The following TMEM209 variants were observed in gnomAD, a reference collection of about 807,000 sequenced individuals.
TMEM209 encodes testicular tissue protein Li 202.
A neutral mutation model predicts 76.2 loss-of-function variants in TMEM209; 65 were observed. The observed-to-expected ratio is 0.85, with a 90% CI of 0.70 to 1.05. The LOEUF (loss-of-function observed/expected upper bound fraction) is 1.05, where lower values mean the gene tolerates loss of function less well. TMEM209 is among the 50% of genes least tolerant of loss of function. TMEM209 has a pLI of 0.00. For synonymous variants in TMEM209, 239 were observed against 237.6 expected (o/e 1.01, Z -0.06); for missense variants, 623 against 685.5 (o/e 0.91, Z 1.02).
intron 1 of TMEM209, chr7:130,204,922 T>C: frequency 9.5e-7 from 1 of 1,050,928 alleles, no homozygotes; most frequent in Non-Finnish European, 1.2e-6. Flanking sequence ...CTCCCTTTTG[T>C]GTGTGGATAA....
intron 9 of TMEM209, among the ~76,000 whole-genome samples, chr7:130,180,161 C>T (rs754283967): frequency 9.9e-5 from 15 of 152,046 alleles, no homozygotes; most frequent in East Asian, 3.9e-4. Context: ...TTATATGGCA[C>T]CCTAAAATTT....
rs761990826 is a variant in TMEM209 at position 130,173,805 on chromosome 7, C to A, written c.1459+20G>T. ...TTTTGTGTGAAAATCTCAACACATT[C>A]TTTTAGGAGAGGTTTATACCTGGTT... On this transcript the variant is annotated intron_variant, in intron 12 of 14. Coordinates refer to ENST00000397622, the MANE Select transcript of TMEM209 (RefSeq NM_032842.4). 177 of 1,610,468 alleles carry A rather than the reference C, an allele frequency of 1.1e-4. No homozygotes were observed. Among genetic ancestry groups the A allele is most frequent in the Non-Finnish European group, 5.9e-6 (7 of 1,176,890 alleles).
chr7:130,181,807 A>G, intron 8 of TMEM209, 88 bp from the exon 9 acceptor site: 3 of 1,056,230 alleles, frequency 2.8e-6, no homozygotes, highest in Non-Finnish European at 1.4e-6. Flanking sequence ...AACTCTAAGA[A>G]TTTTTTTTAC....
intron 14 of TMEM209, among the ~76,000 whole-genome samples, chr7:130,167,361 C>A (rs904057058): frequency 1.3e-5 from 2 of 152,056 alleles, no homozygotes; most frequent in Admixed American, 1.3e-4. Context: ...TCTTCATACC[C>A]TCACTGACAC....
chr7:130,192,911 G>A, intron 5 of TMEM209, 88 bp from the exon 6 acceptor site: 1 of 1,285,750 alleles, frequency 7.8e-7, no homozygotes, highest in Non-Finnish European at 1.1e-6. Flanking sequence ...ACACCTAGTA[G>A]AATGGCGAAA....
rs1314464439 is a variant in TMEM209 at position 130,190,179 on chromosome 7, C to T, written c.775+2443G>A. 2.6e-5 allele frequency among the ~76,000 whole-genome samples: 4 copies of T among 152,078 alleles called. No individual in the cohort carries two copies. The East Asian group carries it at 5.8e-4, about 22-fold the overall frequency. On this transcript the variant is annotated intron_variant, in intron 6 of 14. Transcript: ENST00000397622. ...CAAATAAATGTAAAAGGCAGCTGCA[C>T]AATAATGTAAATGTACTTACCACCA...
intron 13 of TMEM209, among the ~76,000 whole-genome samples, chr7:130,171,788 G>T (rs1562884451): frequency 6.6e-6 from 1 of 152,090 alleles, no homozygotes; most frequent in African/African-American, 2.4e-5. Flanking sequence ...CCAGCACTTT[G>T]GGTGGGCAAG....
chr7:130,204,941 G>A, intron 1 of TMEM209: 2 of 1,073,848 alleles, frequency 1.9e-6, no homozygotes, highest in Non-Finnish European at 2.3e-6. Context: ...AAAGGACAAG[G>A]ATCCAAGTTT....
chr7:130,192,796 AAGG>A lies in TMEM209; in HGVS notation c.598_600del (p.Pro200del), dbSNP rs1345953508. 2.5e-6 allele frequency: 4 copies of A among 1,613,814 alleles called. No individual in the cohort carries two copies. The highest frequency in any genetic ancestry group is 1.6e-4 in the Middle Eastern group (1 of 6,068). On this transcript the variant is annotated inframe_deletion, in exon 6 of 15. Coordinates refer to ENST00000397622, the MANE Select transcript of TMEM209 (RefSeq NM_032842.4). The stretch of plus-strand genomic sequence containing the variant: ...GGTCCAACAGTGGTAGGGTACGGAG[AAGG>A]AGGAGAGGGGCTAAAGCTCGCCAAC...
intron 7 of TMEM209, 128 bp from the exon 8 acceptor site, chr7:130,184,383 ATC>A: frequency 1.6e-6 from 1 of 618,182 alleles, no homozygotes. Flanking sequence ...ATCAATATTC[ATC>A]TAATTAATAT....
chr7:130,204,444 C>G (rs1312144244), intron 1 of TMEM209, among the ~76,000 whole-genome samples: 1 of 152,144 alleles, frequency 6.6e-6, no homozygotes, highest in African/African-American at 2.4e-5. Context: ...CGGGTTCAAG[C>G]GATTCTCCTG....
In TMEM209 at chr7:130,175,536, A is replaced by T; in HGVS notation, c.1320T>A (p.Asp440Glu). The change falls in exon 11 of 15, where the codon GAT becomes GAA. Residue 440 changes from aspartate to glutamate, a missense_variant. Transcript: ENST00000397622. ...RGGDFKGRKWDTDLPTDSAII... is the reference protein window; with the variant it reads ...RGGDFKGRKWETDLPTDSAII... The stretch of plus-strand genomic sequence containing the variant: ...CAGCAGAATCGGTGGGCAGGTCTGT[A>T]TCCCACTTTCGTCCTTTGAAGTCGC... 1 of 1,613,148 alleles carries T rather than the reference A, an allele frequency of 6.2e-7. No homozygotes were observed. The highest frequency in any genetic ancestry group is 1.1e-5 in the South Asian group (1 of 90,716).
intron 5 of TMEM209, among the ~76,000 whole-genome samples, chr7:130,196,380 T>C (rs1797973110): frequency 6.6e-6 from 1 of 152,130 alleles, no homozygotes; most frequent in Admixed American, 6.6e-5. Flanking sequence ...TCTAAGTTAT[T>C]AGTTTGGTTC....
At chr7:130,204,436 G>A (rs892596088) in intron 1 of TMEM209, among the ~76,000 whole-genome samples, 3 of 152,258 alleles carry the variant, frequency 2.0e-5, no homozygotes, top group African/African-American at 2.4e-5. Flanking sequence ...CCGCCTCCCG[G>A]GTTCAAGCGA....
chr7:130,181,499 A>G (rs1797411049), intron 9 of TMEM209, 124 bp downstream of exon 9: 4 of 728,202 alleles, frequency 5.5e-6, no homozygotes, highest in Admixed American at 2.7e-5. Flanking sequence ...ATCAAACTAG[A>G]TTATAGACAT....
At chr7:130,204,265 G>A (rs1279662249) in intron 1 of TMEM209, among the ~76,000 whole-genome samples, 155 bp from the exon 2 acceptor site, 1 of 152,144 alleles carries the variant, frequency 6.6e-6, no homozygotes, top group East Asian at 1.9e-4. Flanking sequence ...TTTAATATCA[G>A]TATATGAAAA....
chr7:130,204,850 C>A, intron 1 of TMEM209: 2 of 764,338 alleles, frequency 2.6e-6, no homozygotes, highest in Non-Finnish European at 3.2e-6. Flanking sequence ...TGTTGTACAT[C>A]CTCATGCAGA....
chr7:130,189,944 G>C (rs916365838), intron 6 of TMEM209, among the ~76,000 whole-genome samples: 1 of 152,164 alleles, frequency 6.6e-6, no homozygotes, highest in Admixed American at 6.5e-5. Flanking sequence ...TCTGGAGCTA[G>C]CCAGGGAAAA....
At position 130,204,065 on chromosome 7, in the gene TMEM209, T is replaced by A; in HGVS notation, c.49A>T (p.Ile17Phe). The change falls in exon 2 of 15, where the codon ATC becomes TTC. Residue 17 changes from isoleucine to phenylalanine, a missense_variant. Physicochemically the swap from Ile to Phe is conservative, Grantham distance 21. Coordinates refer to ENST00000397622, the MANE Select transcript of TMEM209 (RefSeq NM_032842.4). ...GCCTCTGTTTCTTTTCTCATCTTGA[T>A]GGTTCTGTCAATAAGGGAAGCACTA... Reference protein sequence around the residue: ...HPSASLIDRTIKMRKETEARK... With the variant: ...HPSASLIDRTFKMRKETEARK... The A allele has an allele frequency of 1.2e-6, 2 of 1,613,102 alleles. No homozygotes were observed. The highest frequency in any genetic ancestry group is 1.7e-6 in the Non-Finnish European group (2 of 1,179,510).
Sources: allele counts gnomAD v4.1 joint callset (sites outside exome capture counted in the v4.1 genomes callset), GRCh38; gene constraint gnomAD v4.1.1; transcripts MANE v1.5; gene names NCBI Gene and HGNC (gene_info 2026-07-23, HGNC 2026-07-21).